Variants in RHOQ observed in about 807,000 individuals in gnomAD.
RHOQ encodes ras homolog family member Q.
RHOQ carries 7 observed loss-of-function variants against 25.8 expected under a neutral mutation model. The observed-to-expected ratio is 0.27, with a 90% CI of 0.15 to 0.51. RHOQ has a LOEUF of 0.51. Ranked by LOEUF, RHOQ falls within the 20% of genes least tolerant of loss-of-function variation. The probability of loss-of-function intolerance (pLI) is 0.97; values close to 1 mark genes in which losing one functional copy is unlikely to be tolerated. For synonymous variants in RHOQ, 97 were observed against 98.6 expected (o/e 0.98, Z 0.10); for missense variants, 165 against 260.6 (o/e 0.63, Z 2.53).
intron 2 of RHOQ, among the ~76,000 whole-genome samples, chr2:46,553,656 C>G (rs1668313360): frequency 6.6e-6 from 1 of 152,016 alleles, no homozygotes; most frequent in Admixed American, 6.6e-5. Context: ...TCTTGGCTCA[C>G]TCAACCTCCA....
intron 2 of RHOQ, among the ~76,000 whole-genome samples, chr2:46,547,689 C>T (rs1668115832): frequency 6.6e-6 from 1 of 152,234 alleles, no homozygotes; most frequent in Non-Finnish European, 1.5e-5. Flanking sequence ...GGGTTGGCTT[C>T]CTGCCTGGGC....
Position 46,566,018 on chromosome 2 carries a change from G to C in RHOQ, c.202-10069G>C, listed in dbSNP as rs1668720604. ...CTGGAAGATGAGTAGGAGCTCCCAG[G>C]TGAAGAAATACGGAGAGAGAGAAGA... On this transcript the variant is annotated intron_variant, in intron 2 of 4. Coordinates refer to ENST00000238738, the MANE Select transcript of RHOQ (RefSeq NM_012249.4). This position sits in a 1 kb window ranked among gnomAD's most constrained non-coding sequence, Gnocchi z 4.2. Among the ~76,000 whole-genome samples the C allele has an allele frequency of 6.6e-6, 1 of 152,170 alleles. No individual in the cohort carries two copies. The highest frequency in any genetic ancestry group is 2.4e-5 in the African/African-American group (1 of 41,420).
At position 46,576,419 on chromosome 2, in the gene RHOQ, G is replaced by A. The variant is rs1484953446; in HGVS notation, c.367-142G>A. 1.3e-5 allele frequency: 12 copies of A among 891,032 alleles called. No individual in the cohort carries two copies. In the African/African-American group the frequency reaches 1.4e-4, roughly 10 times the overall value. 55.2% of individuals were successfully genotyped at this position (891,032 alleles called of 1,614,324 possible). A position where few individuals can be genotyped will look rare whatever the true frequency, so the allele number is the denominator to read the frequency against. ...TTGGAAAAAATTGTGCCAAAAGAAA[G>A]CAATTATTTTCCTGGTTTTTAAAAA... is the stretch of plus-strand genomic sequence containing the variant. On this transcript the variant is annotated intron_variant, in intron 3 of 4. Transcript: ENST00000238738. This position sits in a 1 kb window ranked among gnomAD's most constrained non-coding sequence, Gnocchi z 5.1.
chr2:46,575,305 A>AGAATAAACATGAAAATATTAAGT (rs1210261396), intron 2 of RHOQ, among the ~76,000 whole-genome samples: 3 of 152,122 alleles, frequency 2.0e-5, no homozygotes, highest in African/African-American at 7.2e-5. Flanking sequence ...AAGAACTGGA[A>AGAATAAACATGAAAATATTAAGT]GAATAAACAT....
chr2:46,567,814 T>A (rs1022683744), intron 2 of RHOQ, among the ~76,000 whole-genome samples: 8 of 152,076 alleles, frequency 5.3e-5, no homozygotes, highest in Admixed American at 3.3e-4. Context: ...CCCAACATTT[T>A]AGGGGGCTGA....
rs530204310 is a variant in RHOQ, at chr2:46,552,331, A to G, written c.201+8519A>G. On this transcript the variant is annotated intron_variant, in intron 2 of 4. Transcript: ENST00000238738. This position sits in a 1 kb window ranked among gnomAD's most constrained non-coding sequence, Gnocchi z 5.0. ...AGTACGTGTGGAAGAAGCTCATGCC[A>G]TTTGCCTAAAGCTGTGGCCCCTTCC... Among the ~76,000 whole-genome samples, 2 of 152,104 alleles carry G rather than the reference A, an allele frequency of 1.3e-5. No homozygotes were observed. Among genetic ancestry groups the G allele is most frequent in the African/African-American group, 4.8e-5 (2 of 41,434 alleles).
At chr2:46,558,428 A>T (rs993803423) in intron 2 of RHOQ, among the ~76,000 whole-genome samples, 7 of 152,180 alleles carry the variant, frequency 4.6e-5, no homozygotes, top group Admixed American at 3.3e-4. Flanking sequence ...TACTTTGAAA[A>T]TAGATTATAT....
In RHOQ at chr2:46,576,446, T is replaced by A; in HGVS notation, c.367-115T>A. 1 of 917,046 alleles carries A rather than the reference T, an allele frequency of 1.1e-6. No individual in the cohort carries two copies. The highest frequency in any genetic ancestry group is 1.6e-6 in the Non-Finnish European group (1 of 608,384). 56.8% of individuals were successfully genotyped at this position (917,046 alleles called of 1,614,324 possible). A position where few individuals can be genotyped will look rare whatever the true frequency, so the allele number is the denominator to read the frequency against. ...AATTATTTTCCTGGTTTTTAAAAAT[T>A]AAGTTCTTTTGTTTAATCTTTTTTT... On this transcript the variant is annotated intron_variant, in intron 3 of 4. Transcript: ENST00000238738. The surrounding 1 kb of genome is among the most constrained non-coding windows in gnomAD (Gnocchi z 5.1).
At chr2:46,546,459 T>C (rs1160837433) in intron 2 of RHOQ, among the ~76,000 whole-genome samples, 14 of 4,908 alleles carry the variant, frequency 2.9e-3, no homozygotes, top group Admixed American at 8.1e-3. Flanking sequence ...TACATATATA[T>C]ATATATATAT....
rs144065351 is a variant in RHOQ, at chr2:46,562,271, C to T, written c.202-13816C>T. ...TTCACCGAGAGCCTGGGCTCAGCTG[C>T]TGCCCTCACTGCCCTGGAGAAAGAG... On this transcript the variant is annotated intron_variant, in intron 2 of 4. Coordinates refer to ENST00000238738, the MANE Select transcript of RHOQ (RefSeq NM_012249.4). Among the ~76,000 whole-genome samples the T allele has an allele frequency of 2.0e-3, 310 of 152,204 alleles. 2 individuals carry two copies. The highest frequency in any genetic ancestry group is 0.017 in the Middle Eastern group (5 of 294).
chr2:46,549,472 G>T (rs576258060), intron 2 of RHOQ, among the ~76,000 whole-genome samples: 1 of 152,182 alleles, frequency 6.6e-6, no homozygotes, highest in Non-Finnish European at 1.5e-5. Context: ...TCCAGAAAGA[G>T]CACATGTGTT....
chr2:46,568,914 A>C (rs994517848), intron 2 of RHOQ: 1 of 152,374 alleles, frequency 6.6e-6, no homozygotes, highest in African/African-American at 2.4e-5. Flanking sequence ...TTTGTGCCAA[A>C]AAGTTAGGAA....
At chr2:46,571,895 AGGAGGGAACACCCAGGTCCACAT>A (rs1364866006) in intron 2 of RHOQ, among the ~76,000 whole-genome samples, 3 of 152,150 alleles carry the variant, frequency 2.0e-5, no homozygotes, top group African/African-American at 7.2e-5. Context: ...TCACTAAGGT[AGGAGGGAACACCCAGGTCCACAT>A]GAAGGGGACA....
At chr2:46,551,049 G>T (rs1393167514) in intron 2 of RHOQ, among the ~76,000 whole-genome samples, 2 of 152,168 alleles carry the variant, frequency 1.3e-5, no homozygotes, top group African/African-American at 4.8e-5. Flanking sequence ...TGCCAGTGTG[G>T]ACCCCCACAC....
chr2:46,546,476 G>GTATACACATATACA (rs1668058286), intron 2 of RHOQ, among the ~76,000 whole-genome samples: 1 of 13,104 alleles, frequency 7.6e-5, no homozygotes, highest in Non-Finnish European at 1.5e-4. Flanking sequence ...ATATATATGT[G>GTATACACATATACA]TATATATATA....
At chr2:46,572,775 G>A (rs748064266) in intron 2 of RHOQ, 3 of 453,452 alleles carry the variant, frequency 6.6e-6, no homozygotes, top group South Asian at 3.1e-5. Context: ...TTGATAAGTC[G>A]ATCTTTTAAA....
rs779030704 is a variant in RHOQ at position 46,584,041 on chromosome 2, G to A, written c.*2958G>A. The stretch of plus-strand genomic sequence containing the variant: ...ATTCTATTTACAATAAGTGGAGCTT[G>A]GATTAATGGGTTTTGTTATGAATTA... On this transcript the variant is annotated 3_prime_UTR_variant, in exon 5 of 5. Coordinates refer to ENST00000238738, the MANE Select transcript of RHOQ (RefSeq NM_012249.4). Among the ~76,000 whole-genome samples the A allele has an allele frequency of 4.6e-5, 7 of 152,096 alleles. No homozygotes were observed. The highest frequency in any genetic ancestry group is 1.3e-4 in the Admixed American group (2 of 15,280).
intron 2 of RHOQ, among the ~76,000 whole-genome samples, chr2:46,559,764 G>A (rs568209774): frequency 6.6e-6 from 1 of 152,262 alleles, no homozygotes; most frequent in South Asian, 2.1e-4. Flanking sequence ...TCTTTTTATT[G>A]GGGAACCTGT....
intron 2 of RHOQ, among the ~76,000 whole-genome samples, chr2:46,547,920 T>C (rs1001745): frequency 0.23 from 35,078 of 152,170 alleles, 4,241 homozygotes; most frequent in Admixed American, 0.29. Flanking sequence ...GGCTCTAGGC[T>C]GATCTCTTAA....
Sources: allele counts gnomAD v4.1 joint callset (sites outside exome capture counted in the v4.1 genomes callset), GRCh38; gene constraint gnomAD v4.1.1; non-coding constraint Gnocchi (gnomAD v3.1); transcripts MANE v1.5; gene names NCBI Gene and HGNC (gene_info 2026-07-23, HGNC 2026-07-21).